Variants in HCLS1 observed in about 807,000 individuals in gnomAD.
HCLS1 encodes the protein hematopoietic lineage cell-specific protein.
HCLS1 carries 44 observed loss-of-function variants against 68.6 expected under a neutral mutation model. That is an observed-to-expected ratio of 0.64 (90% CI 0.50 to 0.82). The LOEUF (loss-of-function observed/expected upper bound fraction) is 0.82, where lower values mean the gene tolerates loss of function less well. Among genes scored for constraint, HCLS1 ranks in the 40% least tolerant of loss-of-function variants. The pLI is 0.00. For missense variants in HCLS1, 602 were observed against 612.1 expected (o/e 0.98, Z 0.17); for synonymous variants, 217 against 225.8 (o/e 0.96, Z 0.35).
At chr3:121,637,834 G>A (rs1463384143) in intron 6 of HCLS1, among the ~76,000 whole-genome samples, 1 of 152,054 alleles carries the variant, frequency 6.6e-6, no homozygotes, top group East Asian at 1.9e-4. Context: ...TACTGGGGAG[G>A]CTGAGACAGG....
In HCLS1 at chr3:121,632,450, AGGCTCG is replaced by A. The variant is rs774997333; in HGVS notation, c.1116_1121del (p.Pro374_Glu375del). 7 of 1,612,846 alleles carry A rather than the reference AGGCTCG, an allele frequency of 4.3e-6. No individual in the cohort carries two copies. In the Admixed American group the frequency reaches 6.7e-5, roughly 15 times the overall value. On this transcript the variant is annotated inframe_deletion, in exon 12 of 14. Coordinates refer to ENST00000314583, the MANE Select transcript of HCLS1 (RefSeq NM_005335.6). ...CCTCAACGTCCTCATAGTCATTCTC[AGGCTCG>A]GGCTCAGGCTCGGGCTCAGGCTCAG...
At chr3:121,635,895 A>G (rs971066632) in intron 8 of HCLS1, 91 bp from the exon 9 acceptor site, 1 of 951,330 alleles carries the variant, frequency 1.1e-6, no homozygotes, top group Non-Finnish European at 1.7e-6. Flanking sequence ...GGCCACTATA[A>G]GAGGTATCCC....
intron 2 of HCLS1, among the ~76,000 whole-genome samples, chr3:121,657,653 C>CA (rs1937901575): frequency 6.6e-6 from 1 of 151,768 alleles, no homozygotes; most frequent in Admixed American, 6.6e-5. Flanking sequence ...CCATCTCTAC[C>CA]AAAAAAATAC....
chr3:121,647,530 A>T (rs7356043), intron 3 of HCLS1, 82 bp from the exon 4 acceptor site: 1 of 1,483,394 alleles, frequency 6.7e-7, no homozygotes, highest in East Asian at 2.3e-5. Flanking sequence ...GAAGCCTTGA[A>T]GTCTGTCCTG....
intron 4 of HCLS1, 64 bp from the exon 5 acceptor site, chr3:121,644,992 A>C: frequency 8.1e-7 from 1 of 1,233,956 alleles, no homozygotes; most frequent in Non-Finnish European, 1.2e-6. Context: ...ATAAATACAG[A>C]TATGGAGTGG....
intron 9 of HCLS1, 150 bp from the exon 10 acceptor site, chr3:121,634,568 G>A (rs1334920741): frequency 2.8e-6 from 2 of 721,900 alleles, no homozygotes; most frequent in East Asian, 5.4e-5. Flanking sequence ...AGAGGAACAA[G>A]GGATAATAGG....
chr3:121,632,185 C>T lies in HCLS1; in HGVS notation c.1241-1G>A, dbSNP rs763119132. ...GCCCCAGCCGGGCAGCCTGATGATCCTGCATAATGAGAAACACAAACATGG... is the reference window on the plus strand; with the variant it reads ...GCCCCAGCCGGGCAGCCTGATGATCTTGCATAATGAGAAACACAAACATGG... On this transcript the variant is annotated splice_acceptor_variant, in intron 12 of 13. Transcript: ENST00000314583. LOFTEE classifies it high-confidence loss of function. The T allele has an allele frequency of 6.8e-6, 11 of 1,613,922 alleles. No individual in the cohort carries two copies. The East Asian group carries it at 2.5e-4, about 36-fold the overall frequency.
rs184749405 is a variant in HCLS1 at position 121,649,329 on chromosome 3, G to A, written c.159-1881C>T. Among the ~76,000 whole-genome samples the A allele has an allele frequency of 1.3e-4, 20 of 152,190 alleles. No individual in the cohort carries two copies. The East Asian group carries it at 2.9e-3, about 22-fold the overall frequency. On this transcript the variant is annotated intron_variant, in intron 3 of 13. Coordinates refer to ENST00000314583, the MANE Select transcript of HCLS1 (RefSeq NM_005335.6). ...CAGCTCACTGTAATCTCCGCCTCCC[G>A]GGTTCAAGTGATTCTCTTGCCTCAG...
At chr3:121,657,183 T>C (rs1937890383) in intron 3 of HCLS1, 96 bp downstream of exon 3, 2 of 973,818 alleles carry the variant, frequency 2.1e-6, no homozygotes, top group South Asian at 2.8e-5. Context: ...TGAACTACCC[T>C]ATCCTTTTCC....
intron 1 of HCLS1, among the ~76,000 whole-genome samples, chr3:121,658,632 G>A (rs553080328): frequency 1.3e-5 from 2 of 152,338 alleles, no homozygotes; most frequent in African/African-American, 2.4e-5. Flanking sequence ...GGTAACCCAC[G>A]AGTCAAAATT....
chr3:121,646,241 T>G (rs1391165578), intron 4 of HCLS1, among the ~76,000 whole-genome samples: 1 of 108,570 alleles, frequency 9.2e-6, no homozygotes. Flanking sequence ...TTATATATAT[T>G]TTATATATAT....
At chr3:121,658,979 G>T (rs937239234) in intron 1 of HCLS1, among the ~76,000 whole-genome samples, 2 of 152,138 alleles carry the variant, frequency 1.3e-5, no homozygotes, top group Non-Finnish European at 2.9e-5. Flanking sequence ...CATTGGGAGA[G>T]CATTATTTGC....
intron 6 of HCLS1, 96 bp from the exon 7 acceptor site, chr3:121,637,352 G>A: frequency 1.3e-6 from 1 of 781,376 alleles, no homozygotes; most frequent in African/African-American, 1.7e-5. Context: ...GGTACAGAGT[G>A]TTAGGGGCCT....
rs542266665 is a variant in HCLS1, at chr3:121,654,893, G to A, written c.158+2386C>T. Among the ~76,000 whole-genome samples the A allele has an allele frequency of 5.9e-5, 9 of 152,222 alleles. No homozygotes were observed. In the South Asian group the frequency reaches 6.2e-4, roughly 11 times the overall value. ...AAAGACTGACTTAGCCCACACTAAC[G>A]AGAGGGAATCCCCAAATAGTGGAGA... is the stretch of plus-strand genomic sequence containing the variant. On this transcript the variant is annotated intron_variant, in intron 3 of 13. Coordinates refer to ENST00000314583, the MANE Select transcript of HCLS1 (RefSeq NM_005335.6).
At chr3:121,655,386 T>C (rs1009690398) in intron 3 of HCLS1, 3 of 151,452 alleles carry the variant, frequency 2.0e-5, no homozygotes, top group Non-Finnish European at 4.4e-5. Flanking sequence ...GGCTATCCCA[T>C]TGACCTGTAA....
At chr3:121,647,525 C>G (rs1233283444) in intron 3 of HCLS1, 77 bp from the exon 4 acceptor site, 1 of 1,519,168 alleles carries the variant, frequency 6.6e-7, no homozygotes, top group Admixed American at 1.7e-5. Flanking sequence ...AAATGGAAGC[C>G]TTGAAGTCTG....
rs1299780768 is a variant in HCLS1 at position 121,634,199 on chromosome 3, G to A, written c.903+8C>T. 1.9e-6 allele frequency: 3 copies of A among 1,614,006 alleles called. No homozygotes were observed. Among genetic ancestry groups the A allele is most frequent in the Middle Eastern group, 3.3e-4 (2 of 5,980 alleles). Reference sequence around the variant, plus strand: ...CTGGATGTGGATCCCAGAGGGCCAGGCGCTCACCTCTGAGGAGATTTTCTT... The same window carrying A: ...CTGGATGTGGATCCCAGAGGGCCAGACGCTCACCTCTGAGGAGATTTTCTT... On this transcript the variant is annotated splice_region_variant and intron_variant, in intron 10 of 13. Coordinates refer to ENST00000314583, the MANE Select transcript of HCLS1 (RefSeq NM_005335.6).
At chr3:121,656,336 T>C (rs1937869787) in intron 3 of HCLS1, 1 of 152,222 alleles carries the variant, frequency 6.6e-6, no homozygotes, top group Non-Finnish European at 1.5e-5. Context: ...ACTGTATTAA[T>C]CTTGCCATTT....
In HCLS1 at chr3:121,635,801, C is replaced by T. The variant is rs780143738; in HGVS notation, c.625G>A (p.Ala209Thr). Residue 209 changes from alanine (A) to threonine (T), a missense_variant, in exon 9 of 14, where the codon GCT (alanine) becomes ACT (threonine). Coordinates refer to ENST00000314583, the MANE Select transcript of HCLS1 (RefSeq NM_005335.6). ...GIQKDRVDKS[A>T]VGFNEMEAPT... Reference sequence around the variant, plus strand: ...GCCTCCATTTCATTGAAGCCGACAGCGCTCTGCAGGCAGGAGAACAGCATG... The same window carrying T: ...GCCTCCATTTCATTGAAGCCGACAGTGCTCTGCAGGCAGGAGAACAGCATG... 110 of 1,613,722 alleles carry T rather than the reference C, an allele frequency of 6.8e-5. No homozygotes were observed. The highest frequency in any genetic ancestry group is 8.3e-5 in the Non-Finnish European group (98 of 1,179,880).
Sources: gnomAD v4.1 joint callset for allele counts (sites outside exome capture counted in the v4.1 genomes callset) on GRCh38, gnomAD v4.1.1 for gene constraint, MANE v1.5 for transcripts, NCBI Gene and HGNC (gene_info 2026-07-23, HGNC 2026-07-21) for gene names.